Variants in TARBP1 observed in about 807,000 individuals in gnomAD.
The protein encoded by TARBP1 is tRNA (guanosine(18)-2'-O)-methyltransferase TARBP1.
A neutral mutation model predicts 178.6 loss-of-function variants in TARBP1; 144 were observed. The ratio of observed to expected loss-of-function variants is 0.81; its 90% CI spans 0.70 to 0.93. The LOEUF (loss-of-function observed/expected upper bound fraction) is 0.93, where lower values mean the gene tolerates loss of function less well. Ranked by LOEUF, TARBP1 falls within the 40% of genes least tolerant of loss-of-function variation. The probability of loss-of-function intolerance (pLI) is 0.00; values close to 1 mark genes in which losing one functional copy is unlikely to be tolerated. For synonymous variants in TARBP1, 787 were observed against 781.0 expected (o/e 1.01, Z -0.13); for missense variants, 2,067 against 2,011.7 (o/e 1.03, Z -0.53).
chr1:234,396,035 AATT>A (rs928315073), intron 26 of TARBP1, among the ~76,000 whole-genome samples: 9 of 152,214 alleles, frequency 5.9e-5, no homozygotes, highest in African/African-American at 1.4e-4. Context: ...AAATATGTAC[AATT>A]ATTATTTGTC....
At position 234,478,305 on chromosome 1, in the gene TARBP1, T is replaced by G. The variant is rs1175122114; in HGVS notation, c.799A>C (p.Arg267=). Residue 267 remains arginine (R), a synonymous_variant, in exon 1 of 30, where the codon AGG becomes CGG. Coordinates refer to ENST00000040877, the MANE Select transcript of TARBP1 (RefSeq NM_005646.4). The stretch of plus-strand genomic sequence containing the variant: ...TGGCCCAGCCCCGCCTGCACCGTCC[T>G]CCAGAAGCGCCAGCAGCGCCGGGCG... ...PDARRCWRFW[R]TVQAGLGQAD... is the part of the protein sequence containing the mutation. 1 of 1,505,626 alleles carries G rather than the reference T, an allele frequency of 6.6e-7. No individual in the cohort carries two copies. The highest frequency in any genetic ancestry group is 8.8e-7 in the Non-Finnish European group (1 of 1,130,236). 93.3% of individuals were successfully genotyped at this position (1,505,626 alleles called of 1,614,324 possible).
Position 234,427,381 on chromosome 1 carries a change from G to C in TARBP1, c.3259C>G (p.Gln1087Glu). ...TTTTCTATGAAGGTCTGTACATCCTGAACAAGTCTTTCCATAAAAAACATT... is the reference window on the plus strand; with the variant it reads ...TTTTCTATGAAGGTCTGTACATCCTCAACAAGTCTTTCCATAAAAAACATT... The part of the protein sequence containing the change: ...TVFRRDQRLV[Q>E]DVQTFIENLG... Residue 1087 changes from glutamine (Q) to glutamate (E), a missense_variant, in exon 19 of 30, where the codon CAG becomes GAG. By Grantham distance (29) the Gln-to-Glu change is conservative. Transcript: ENST00000040877. The C allele has an allele frequency of 6.2e-7, 1 of 1,605,450 alleles. No homozygotes were observed. Among genetic ancestry groups the C allele is most frequent in the East Asian group, 2.2e-5 (1 of 44,666 alleles).
At chr1:234,438,355 T>A (rs1665247120) in intron 12 of TARBP1, among the ~76,000 whole-genome samples, 1 of 152,060 alleles carries the variant, frequency 6.6e-6, no homozygotes, top group African/African-American at 2.4e-5. Context: ...TTGACAAAAA[T>A]CATTAAAGCA....
In TARBP1 at chr1:234,427,385, A is replaced by G; in HGVS notation, c.3255T>C (p.Leu1085=). 1.2e-6 allele frequency: 2 copies of G among 1,604,112 alleles called. No homozygotes were observed. The highest frequency in any genetic ancestry group is 3.5e-5 in the Admixed American group (2 of 57,902). Residue 1085 remains leucine, a synonymous_variant, in exon 19 of 30, where the codon CTT becomes CTC. Transcript: ENST00000040877. ...FGTVFRRDQR[L]VQDVQTFIEN... The stretch of plus-strand genomic sequence containing the variant: ...CTATGAAGGTCTGTACATCCTGAAC[A>G]AGTCTTTCCATAAAAAACATTTGAT...
chr1:234,391,589 A>G lies in TARBP1; in HGVS notation c.4854T>C (p.Asp1618=). 1 of 1,609,970 alleles carries G rather than the reference A, an allele frequency of 6.2e-7. No individual in the cohort carries two copies. Among genetic ancestry groups the G allele is most frequent in the Non-Finnish European group, 8.5e-7 (1 of 1,177,822 alleles). The change falls in exon 30 of 30, where the codon GAT becomes GAC. Residue 1618 remains aspartate (D), a synonymous_variant. Transcript: ENST00000040877. The stretch of plus-strand genomic sequence containing the variant: ...TAAGGAAGGCACATCATGGCTTGGT[A>G]TCTCCGTGCGAGAGCAGCTGCTGCC... ...YTRQQLLSHG[D]TKP is the part of the protein sequence containing the mutation.
At chr1:234,462,495 A>C (rs900519234) in intron 6 of TARBP1, among the ~76,000 whole-genome samples, 1 of 152,092 alleles carries the variant, frequency 6.6e-6, no homozygotes, top group East Asian at 1.9e-4. Flanking sequence ...TCGAGACCAT[A>C]CTGGCCAACA....
rs371853831 is a variant in TARBP1, at chr1:234,466,549, TTCAA to T, written c.1249-845_1249-842del. On this transcript the variant is annotated intron_variant, in intron 4 of 29. Transcript: ENST00000040877. ...ATTATATCACTATCTGAGAAATATA[TTCAA>T]TCATTCTTTTAAAAAAGAAGAAGAA... Among the ~76,000 whole-genome samples the T allele has an allele frequency of 5.1e-3, 709 of 138,994 alleles. 5 individuals are homozygous for T. The highest frequency in any genetic ancestry group is 0.019 in the African/African-American group (658 of 35,448). 91.2% of individuals were successfully genotyped at this position (138,994 alleles called of 152,430 possible). A position where few individuals can be genotyped will look rare whatever the true frequency, so the allele number is the denominator to read the frequency against.
chr1:234,433,365 TG>T, intron 14 of TARBP1, 44 bp downstream of exon 14: 1 of 1,572,824 alleles, frequency 6.4e-7, no homozygotes, highest in Non-Finnish European at 8.7e-7. Flanking sequence ...ATTCCCTGTA[TG>T]CCTTATTCAA....
At chr1:234,473,761 A>G (rs541571197) in intron 1 of TARBP1, among the ~76,000 whole-genome samples, 1 of 152,364 alleles carries the variant, frequency 6.6e-6, no homozygotes, top group East Asian at 1.9e-4. Context: ...TTAAACATAA[A>G]TAGGGATCTA....
intron 17 of TARBP1, among the ~76,000 whole-genome samples, chr1:234,428,931 G>A (rs1024682985): frequency 1.3e-5 from 2 of 152,118 alleles, no homozygotes; most frequent in African/African-American, 4.8e-5. Flanking sequence ...GGCAGATGTG[G>A]CTCCAGGCTA....
chr1:234,398,455 C>T lies in TARBP1; in HGVS notation c.4170G>A (p.Ala1390=), dbSNP rs371450065. ...TTTGAGAAAGGTACCACTGAAATCC[C>T]GCAGCTAAAGGAACATCAGTGAATC... ...FTRFTDVPLA[A]GFQWYLSQTQ... Residue 1390 remains alanine, a synonymous_variant, in exon 26 of 30, where the codon GCG becomes GCA. Coordinates refer to ENST00000040877, the MANE Select transcript of TARBP1 (RefSeq NM_005646.4). The T allele has an allele frequency of 1.2e-4, 200 of 1,611,150 alleles. No homozygotes were observed. Among genetic ancestry groups the T allele is most frequent in the Middle Eastern group, 3.3e-4 (2 of 6,046 alleles).
chr1:234,424,388 G>A (rs926905376), intron 20 of TARBP1, among the ~76,000 whole-genome samples: 1 of 152,104 alleles, frequency 6.6e-6, no homozygotes, highest in Non-Finnish European at 1.5e-5. Flanking sequence ...GATTTAGCAG[G>A]CTCAAAAACA....
chr1:234,460,240 T>C (rs770542921), intron 7 of TARBP1, 21 bp downstream of exon 7: 2 of 1,608,756 alleles, frequency 1.2e-6, no homozygotes, highest in Non-Finnish European at 8.5e-7. Context: ...ACCATACAAG[T>C]ACATATACAG....
intron 12 of TARBP1, among the ~76,000 whole-genome samples, chr1:234,438,389 A>T (rs1157001783): frequency 2.6e-5 from 4 of 152,270 alleles, no homozygotes; most frequent in Non-Finnish European, 5.9e-5. Flanking sequence ...TGCTTTAGCA[A>T]GCAATCAATG....
chr1:234,470,516 T>A (rs1460241412), intron 3 of TARBP1, among the ~76,000 whole-genome samples: 3 of 152,084 alleles, frequency 2.0e-5, no homozygotes, highest in African/African-American at 7.2e-5. Context: ...TCACACACAC[T>A]CTTCTCATTC....
intron 22 of TARBP1, among the ~76,000 whole-genome samples, chr1:234,414,061 C>T (rs947885229): frequency 6.6e-6 from 1 of 152,162 alleles, no homozygotes; most frequent in African/African-American, 2.4e-5. Flanking sequence ...GGAAAATCAT[C>T]TACAAGGAAA....
chr1:234,431,748 T>C (rs1664450753), intron 14 of TARBP1, among the ~76,000 whole-genome samples: 1 of 152,166 alleles, frequency 6.6e-6, no homozygotes, highest in African/African-American at 2.4e-5. Flanking sequence ...TTAAATAATG[T>C]AGGTCACACA....
At chr1:234,392,271 G>A (rs1038092017) in intron 29 of TARBP1, 145 bp downstream of exon 29, 2 of 1,003,476 alleles carry the variant, frequency 2.0e-6, no homozygotes, top group Non-Finnish European at 2.9e-6. Context: ...ATGAGGCAGA[G>A]GTTGTAGTGA....
At chr1:234,406,167 C>A in intron 23 of TARBP1, 68 bp from the exon 24 acceptor site, 1 of 1,421,624 alleles carries the variant, frequency 7.0e-7, no homozygotes. Context: ...TTGTATGACA[C>A]AAAAAAAGTA....
Sources: allele counts gnomAD v4.1 joint callset (sites outside exome capture counted in the v4.1 genomes callset), GRCh38; gene constraint gnomAD v4.1.1; transcripts MANE v1.5; gene names NCBI Gene and HGNC (gene_info 2026-07-23, HGNC 2026-07-21).